Variants in DLG4 observed in about 807,000 individuals in gnomAD.
DLG4 encodes discs large MAGUK scaffold protein 4, also known as disks large homolog 4.
DLG4 carries 7 observed loss-of-function variants against 93.8 expected under a neutral mutation model. That is an observed-to-expected ratio of 0.07 (90% confidence interval 0.04 to 0.14). The LOEUF is 0.14. Among genes scored for constraint, DLG4 ranks in the 10% least tolerant of loss-of-function variants. The probability of loss-of-function intolerance (pLI) is 1.00; values close to 1 mark genes in which losing one functional copy is unlikely to be tolerated. For synonymous variants in DLG4, 341 were observed against 387.6 expected, an observed-to-expected ratio of 0.88 and a Z score of 1.41; for missense variants, 545 against 992.9, an observed-to-expected ratio of 0.55 and a Z score of 6.06.
In DLG4 at chr17:7,194,911, C is replaced by T. The variant is rs979523810; in HGVS notation, c.1302-416G>A. Among the ~76,000 whole-genome samples the T allele has an allele frequency of 4.6e-5, 7 of 151,230 alleles. No homozygotes were observed. The East Asian group carries it at 7.8e-4, about 17-fold the overall frequency. ...GCGGGTGCCTGTATTCCCAGCTTCTCGGGAGGCTGAGGCAGGAAAATGGCA... is the reference window on the plus strand; with the variant it reads ...GCGGGTGCCTGTATTCCCAGCTTCTTGGGAGGCTGAGGCAGGAAAATGGCA... On this transcript the variant is annotated intron_variant, in intron 11 of 19. Transcript: ENST00000399506. The surrounding 1 kb of genome is among the most constrained non-coding windows in gnomAD (Gnocchi z 4.4).
Position 7,193,837 on chromosome 17 carries a change from T to C in DLG4, c.1543+7A>G, listed in dbSNP as rs2069628348. The C allele has an allele frequency of 1.2e-6, 2 of 1,612,886 alleles. No individual in the cohort carries two copies. The highest frequency in any genetic ancestry group is 1.3e-5 in the African/African-American group (1 of 74,828). On this transcript the variant is annotated splice_region_variant and intron_variant, in intron 14 of 19. Coordinates refer to ENST00000399506, the MANE Select transcript of DLG4 (RefSeq NM_001321075.3). The surrounding 1 kb of genome is among the most constrained non-coding windows in gnomAD (Gnocchi z 6.7). ...CACCCACATCTTCCCGAACTAACCC[T>C]ACCTACCCTGCGATCCAGAGCTGGA...
chr17:7,203,852 A>G lies in DLG4; in HGVS notation c.211-36T>C, dbSNP rs1362833270. ...GAGGGGAAGAGGGTCAGCTCCCCTC[A>G]CTGCCCAAGTCTGGCAAGGCAAGTG... On this transcript the variant is annotated intron_variant, in intron 4 of 19. Coordinates refer to ENST00000399506, the MANE Select transcript of DLG4 (RefSeq NM_001321075.3). This position sits in a 1 kb window ranked among gnomAD's most constrained non-coding sequence, Gnocchi z 7.2. 13 of 1,610,744 alleles carry G rather than the reference A, an allele frequency of 8.1e-6. No individual in the cohort carries two copies. The highest frequency in any genetic ancestry group is 1.3e-5 in the African/African-American group (1 of 74,810).
At chr17:7,219,960 C>T, upstream of DLG4, 1 of 1,423,960 alleles carries the variant, frequency 7.0e-7, no homozygotes, top group Non-Finnish European at 9.7e-7. Context: ...GAGCTCGAGC[C>T]AGCGGCGCCC....
At position 7,204,185 on chromosome 17, in the gene DLG4, T is replaced by C. The variant is rs1312878964; in HGVS notation, c.150+14A>G. The stretch of plus-strand genomic sequence containing the variant: ...TTCTGCAATGGCCCCAGCCCCAAAA[T>C]CTAAACAACTCACATATCCTGGGGC... On this transcript the variant is annotated intron_variant, in intron 3 of 19. Transcript: ENST00000399506. 1 of 1,607,232 alleles carries C rather than the reference T, an allele frequency of 6.2e-7. No individual in the cohort carries two copies. Among genetic ancestry groups the C allele is most frequent in the South Asian group, 1.1e-5 (1 of 90,304 alleles).
In DLG4 at chr17:7,188,603, A is replaced by G. The variant is rs913316145; in HGVS notation, c.*2105T>C. Among the ~76,000 whole-genome samples the G allele has an allele frequency of 3.3e-5, 5 of 152,184 alleles. No individual in the cohort carries two copies. The highest frequency in any genetic ancestry group is 7.4e-5 in the Non-Finnish European group (5 of 68,020). The stretch of plus-strand genomic sequence containing the variant: ...TCAGTTAGGACTTAGGGCCAGGAAA[A>G]TATGACTCCCTAAAAGAACTAAAAT... On this transcript the variant is annotated 3_prime_UTR_variant, in exon 20 of 20. Coordinates refer to ENST00000399506, the MANE Select transcript of DLG4 (RefSeq NM_001321075.3).
At chr17:7,211,517 C>A (rs1432641228) in intron 1 of DLG4, 1 of 175,272 alleles carries the variant, frequency 5.7e-6, no homozygotes, top group Non-Finnish European at 1.1e-5. Flanking sequence ...GGGCGACCCA[C>A]GGCGCCTGTC....
At position 7,202,715 on chromosome 17, in the gene DLG4, C is replaced by T. The variant is rs535220416; in HGVS notation, c.787+188G>A. ...TGCCTTCCAGGAGAGAGATCGTTGACGATCTTTTCTAGTTCTTTTATGGTA... is the reference window on the plus strand; with the variant it reads ...TGCCTTCCAGGAGAGAGATCGTTGATGATCTTTTCTAGTTCTTTTATGGTA... On this transcript the variant is annotated intron_variant, in intron 8 of 19. Transcript: ENST00000399506. The T allele has an allele frequency of 3.4e-5, 26 of 763,730 alleles. No homozygotes were observed. The East Asian group carries it at 5.9e-4, about 17-fold the overall frequency. 47.3% of individuals were successfully genotyped at this position (763,730 alleles called of 1,614,324 possible). A position where few individuals can be genotyped will look rare whatever the true frequency, so the allele number is the denominator to read the frequency against.
rs772457579 is a variant in DLG4 at position 7,196,501 on chromosome 17, G to T, written c.1158C>A (p.Val386=). ...CTGGTTTATACTGAGCGATGATCGT[G>T]ACCGTCTGACCCGCATTCTTCAGGG... ...AIALKNAGQT[V]TIIAQYKPEE... Residue 386 remains valine, a synonymous_variant, in exon 10 of 20, where the codon GTC becomes GTA. Transcript: ENST00000399506. The surrounding 1 kb of genome is among the most constrained non-coding windows in gnomAD (Gnocchi z 8.3). 4.3e-6 allele frequency: 7 copies of T among 1,613,894 alleles called. No homozygotes were observed. Among genetic ancestry groups the T allele is most frequent in the South Asian group, 1.1e-5 (1 of 91,068 alleles).
At chr17:7,218,624 A>G, upstream of DLG4, 1 of 1,563,358 alleles carries the variant, frequency 6.4e-7, no homozygotes, top group Admixed American at 1.9e-5. Context: ...CAGGAGCCAG[A>G]GGGCTGACCT....
At position 7,196,622 on chromosome 17, in the gene DLG4, C is replaced by T; in HGVS notation, c.1084-47G>A. ...GTGTCACCAGAGACAGGAGGCAGCA[C>T]TTCTGGGTCCAGGTGGAGCAGGGAG... is the stretch of plus-strand genomic sequence containing the variant. On this transcript the variant is annotated intron_variant, in intron 9 of 19. Coordinates refer to ENST00000399506, the MANE Select transcript of DLG4 (RefSeq NM_001321075.3). The surrounding 1 kb of genome is among the most constrained non-coding windows in gnomAD (Gnocchi z 8.3). The T allele has an allele frequency of 6.2e-7, 1 of 1,608,804 alleles. No individual in the cohort carries two copies. Among genetic ancestry groups the T allele is most frequent in the South Asian group, 1.1e-5 (1 of 90,782 alleles).
In DLG4 at chr17:7,196,103, TG is replaced by T. The variant is rs2069766563; in HGVS notation, c.1301+116del. Reference sequence around the variant, plus strand: ...ATGAACCCTGGCTGCGCCTCAGGCCTGGGGTGGGGAGCTAGAGCAGGCAGGG... The same window carrying T: ...ATGAACCCTGGCTGCGCCTCAGGCCTGGGTGGGGAGCTAGAGCAGGCAGGG... On this transcript the variant is annotated intron_variant, in intron 11 of 19. Transcript: ENST00000399506. The surrounding 1 kb of genome is among the most constrained non-coding windows in gnomAD (Gnocchi z 8.3). 1.1e-5 allele frequency: 8 copies of T among 712,168 alleles called. No individual in the cohort carries two copies. The highest frequency in any genetic ancestry group is 1.6e-5 in the Non-Finnish European group (7 of 430,300). The allele number at this position is 712,168 out of a possible 1,614,324, so 44.1% of individuals were successfully genotyped here.
chr17:7,190,438 G>T lies in DLG4; in HGVS notation c.*270C>A. ...TGTGTGTGCATTGGGGGCAGGTGGG[G>T]GCGGGGATCCTAAGGAGCAAGGGCT... On this transcript the variant is annotated 3_prime_UTR_variant, in exon 20 of 20. Transcript: ENST00000399506. The T allele has an allele frequency of 2.1e-6, 1 of 466,528 alleles. No homozygotes were observed. Among genetic ancestry groups the T allele is most frequent in the South Asian group, 2.4e-5 (1 of 42,388 alleles). The allele number at this position is 466,528 out of a possible 1,614,324, so 28.9% of individuals were successfully genotyped here.
chr17:7,192,870 T>G, intron 17 of DLG4, 75 bp downstream of exon 17: 1 of 1,440,798 alleles, frequency 6.9e-7, no homozygotes, highest in Admixed American at 2.2e-5. Context: ...GAGAGAGAGT[T>G]AGAGAAAGCT....
rs2069521193 is a variant in DLG4 at position 7,191,936 on chromosome 17, G to T, written c.1933C>A (p.Pro645Thr). ...VRRLQAAHLH[P>T]IAIFIRPRSL... ...CGGGGGCGGATGAAGATGGCGATGG[G>T]GTGCAGGTGGGCCGCCTGCAGCCGC... The change falls in exon 18 of 20, where the codon CCC becomes ACC. Residue 645 changes from proline to threonine, a missense_variant. Physicochemically the swap from Pro to Thr is conservative, Grantham distance 38. Around this residue, in one of 5 missense-constraint regions of DLG4, gnomAD observed 428 missense variants for 741.4 expected, o/e 0.58. Coordinates refer to ENST00000399506, the MANE Select transcript of DLG4 (RefSeq NM_001321075.3). This position sits in a 1 kb window ranked among gnomAD's most constrained non-coding sequence, Gnocchi z 6.6. 1 of 1,497,360 alleles carries T rather than the reference G, an allele frequency of 6.7e-7. No homozygotes were observed. The highest frequency in any genetic ancestry group is 8.9e-7 in the Non-Finnish European group (1 of 1,120,212). 92.8% of individuals were successfully genotyped at this position (1,497,360 alleles called of 1,614,324 possible). A position where few individuals can be genotyped will look rare whatever the true frequency, so the allele number is the denominator to read the frequency against.
intron 2 of DLG4, 34 bp from the exon 3 acceptor site, chr17:7,204,286 G>A (rs772628169): frequency 1.9e-6 from 3 of 1,553,552 alleles, no homozygotes; most frequent in African/African-American, 1.4e-5. Context: ...AAAGCAGCCT[G>A]AGCCTTGACT....
Position 7,203,371 on chromosome 17 carries a change from G to A in DLG4, c.506-42C>T. On this transcript the variant is annotated intron_variant, in intron 6 of 19. Transcript: ENST00000399506. The surrounding 1 kb of genome is among the most constrained non-coding windows in gnomAD (Gnocchi z 7.2). ...CCAGAGGTGGGTGCCCAGGAAGCAG[G>A]CTTGGGGGCACAGGACAGTTGGGAT... 1 of 1,592,806 alleles carries A rather than the reference G, an allele frequency of 6.3e-7. No homozygotes were observed. Among genetic ancestry groups the A allele is most frequent in the Non-Finnish European group, 8.6e-7 (1 of 1,163,420 alleles).
In DLG4 at chr17:7,193,888, G is replaced by C; in HGVS notation, c.1516-17C>G. ...GCCCCAGTCCTAAGAAGAAAAAGCA[G>C]GCCACGGGGTTAGTTATGAGCTCAG... On this transcript the variant is annotated splice_polypyrimidine_tract_variant and intron_variant, in intron 13 of 19. Transcript: ENST00000399506. The surrounding 1 kb of genome is among the most constrained non-coding windows in gnomAD (Gnocchi z 6.7). 2 of 1,612,432 alleles carry C rather than the reference G, an allele frequency of 1.2e-6. No homozygotes were observed. The highest frequency in any genetic ancestry group is 1.7e-6 in the Non-Finnish European group (2 of 1,179,260).
chr17:7,218,338 A>G, upstream of DLG4: 1 of 1,551,036 alleles, frequency 6.4e-7, no homozygotes. Context: ...CAGGCACATC[A>G]CCCCTGTCAT....
Position 7,196,444 on chromosome 17 carries a change from C to T in DLG4, c.1186+29G>A, listed in dbSNP as rs1210916840. On this transcript the variant is annotated intron_variant, in intron 10 of 19. Coordinates refer to ENST00000399506, the MANE Select transcript of DLG4 (RefSeq NM_001321075.3). This position sits in a 1 kb window ranked among gnomAD's most constrained non-coding sequence, Gnocchi z 8.3. Reference sequence around the variant, plus strand: ...AAGAGTTCTAAGGGCCATTTCAGCTCACAAGACAAGGAACTTCCGGCCTGG... The same window carrying T: ...AAGAGTTCTAAGGGCCATTTCAGCTTACAAGACAAGGAACTTCCGGCCTGG... 2 of 1,612,840 alleles carry T rather than the reference C, an allele frequency of 1.2e-6. No individual in the cohort carries two copies. The highest frequency in any genetic ancestry group is 1.7e-6 in the Non-Finnish European group (2 of 1,178,958).
Sources: allele counts gnomAD v4.1 joint callset (sites outside exome capture counted in the v4.1 genomes callset), GRCh38; gene constraint gnomAD v4.1.1; regional missense constraint gnomAD v4.1.1; non-coding constraint Gnocchi (gnomAD v3.1); transcripts MANE v1.5; gene names NCBI Gene and HGNC (gene_info 2026-07-23, HGNC 2026-07-21).